SLCO6A1: variants seen among roughly 807,000 people sequenced by gnomAD.
SLCO6A1 encodes the protein solute carrier organic anion transporter family member 6A1.
Under a neutral mutation model 72.7 loss-of-function variants are expected in SLCO6A1, and 65 were observed. The ratio of observed to expected loss-of-function variants is 0.89; its 90% CI spans 0.73 to 1.10. The LOEUF is 1.10. Ranked by LOEUF, SLCO6A1 falls within the 50% of genes least tolerant of loss-of-function variation. SLCO6A1 has a pLI of 0.00. For missense variants in SLCO6A1, 874 were observed against 872.6 expected, an observed-to-expected ratio of 1.00 and a Z score of -0.02; for synonymous variants, 314 against 298.2, an observed-to-expected ratio of 1.05 and a Z score of -0.55.
chr5:102,460,340 T>G (rs1364975490), intron 4 of SLCO6A1, among the ~76,000 whole-genome samples: 3 of 152,166 alleles, frequency 2.0e-5, no homozygotes, highest in African/African-American at 7.2e-5. Flanking sequence ...GACCCTTTGC[T>G]GTCTTCTGTC....
At chr5:102,384,737 A>G (rs1026786840) in intron 12 of SLCO6A1, among the ~76,000 whole-genome samples, 1 of 152,126 alleles carries the variant, frequency 6.6e-6, no homozygotes, top group African/African-American at 2.4e-5. Flanking sequence ...TGATTTAATC[A>G]TCACTATTAT....
intron 13 of SLCO6A1, among the ~76,000 whole-genome samples, chr5:102,372,830 G>T (rs1561405195): frequency 6.6e-6 from 1 of 151,840 alleles, no homozygotes. Flanking sequence ...ACCTCTGTAT[G>T]TCAAATCATA....
At chr5:102,473,193 C>T (rs1751719898) in intron 4 of SLCO6A1, among the ~76,000 whole-genome samples, 2 of 151,836 alleles carry the variant, frequency 1.3e-5, no homozygotes, top group South Asian at 2.1e-4. Context: ...AGACTAATAT[C>T]TCTGATGAAT....
intron 9 of SLCO6A1, among the ~76,000 whole-genome samples, chr5:102,406,841 C>G (rs1322661633): frequency 6.6e-6 from 1 of 151,918 alleles, no homozygotes; most frequent in Non-Finnish European, 1.5e-5. Context: ...GGAATAGAGG[C>G]TTAGTAACTG....
intron 7 of SLCO6A1, among the ~76,000 whole-genome samples, chr5:102,425,467 A>T (rs1374637217): frequency 6.6e-6 from 1 of 152,142 alleles, no homozygotes; most frequent in Non-Finnish European, 1.5e-5. Context: ...GCATTCCTAT[A>T]CACCATTAGT....
intron 1 of SLCO6A1, among the ~76,000 whole-genome samples, chr5:102,497,458 AATATCCT>A (rs1473788764): frequency 6.6e-6 from 1 of 152,198 alleles, no homozygotes; most frequent in Non-Finnish European, 1.5e-5. Context: ...ATGACTCAAC[AATATCCT>A]CTCTGCAGCT....
intron 7 of SLCO6A1, among the ~76,000 whole-genome samples, chr5:102,432,030 A>C (rs1311732983): frequency 1.3e-5 from 2 of 151,978 alleles, no homozygotes; most frequent in Non-Finnish European, 2.9e-5. Context: ...TTAAAGTCTG[A>C]AATTAGAATT....
In SLCO6A1 at chr5:102,438,713, T is replaced by C. The variant is rs768939736; in HGVS notation, c.1180A>G (p.Thr394Ala). The C allele has an allele frequency of 1.9e-5, 30 of 1,593,774 alleles. No homozygotes were observed. Among genetic ancestry groups the C allele is most frequent in the East Asian group, 1.1e-4 (5 of 43,962 alleles). Reference sequence around the variant, plus strand: ...GCTCCAATAATAACTAAATATTCTGTAGCTTTTGACAGAGCTAGGCATATG... The same window carrying C: ...GCTCCAATAATAACTAAATATTCTGCAGCTTTTGACAGAGCTAGGCATATG... ...VLICLALSKA[T>A]EYLVIIGASE... The change falls in exon 7 of 14, where the codon ACA (threonine) becomes GCA (alanine). Residue 394 changes from threonine (T) to alanine (A), a missense_variant. Thr to Ala is a moderately conservative substitution (Grantham distance 58). Coordinates refer to ENST00000506729, the MANE Select transcript of SLCO6A1 (RefSeq NM_173488.5).
intron 11 of SLCO6A1, among the ~76,000 whole-genome samples, chr5:102,389,456 C>CCCCCCCCCCA (rs376461607): frequency 1.2e-5 from 1 of 81,852 alleles, no homozygotes; most frequent in Non-Finnish European, 2.6e-5. Flanking sequence ...CCCCCCACCC[C>CCCCCCCCCCA]CACACACACA....
At chr5:102,428,824 T>A (rs1313731346) in intron 7 of SLCO6A1, among the ~76,000 whole-genome samples, 1 of 152,216 alleles carries the variant, frequency 6.6e-6, no homozygotes, top group Admixed American at 6.5e-5. Flanking sequence ...AGTAATGAGA[T>A]TGCTGCATCA....
At chr5:102,409,374 TTGACA>T (rs533797166) in intron 9 of SLCO6A1, among the ~76,000 whole-genome samples, 14 of 152,274 alleles carry the variant, frequency 9.2e-5, no homozygotes, top group South Asian at 2.1e-4. Flanking sequence ...TTTTTCATAC[TTGACA>T]TATTTTCATT....
chr5:102,450,641 C>A (rs1750365618), intron 6 of SLCO6A1, among the ~76,000 whole-genome samples: 1 of 152,220 alleles, frequency 6.6e-6, no homozygotes, highest in African/African-American at 2.4e-5. Context: ...TTCTTCCCTC[C>A]CTGGCTTGGA....
intron 7 of SLCO6A1, among the ~76,000 whole-genome samples, chr5:102,437,015 C>A (rs917004056): frequency 5.9e-5 from 9 of 152,138 alleles, no homozygotes; most frequent in African/African-American, 2.2e-4. Flanking sequence ...TTAGAAATTT[C>A]TCTAAAATGA....
In SLCO6A1 at chr5:102,472,157, G is replaced by T. The variant is rs536499755; in HGVS notation, c.899+3540C>A. ...GGTCAGCCTCCCTGAGCAGAGGAGG[G>T]TGGAGAAGATTTTAGAAAGATGAAG... On this transcript the variant is annotated intron_variant, in intron 4 of 13. Coordinates refer to ENST00000506729, the MANE Select transcript of SLCO6A1 (RefSeq NM_173488.5). Among the ~76,000 whole-genome samples the T allele has an allele frequency of 2.6e-5, 4 of 152,210 alleles. No homozygotes were observed. In the South Asian group the frequency reaches 6.2e-4, roughly 24 times the overall value.
intron 7 of SLCO6A1, among the ~76,000 whole-genome samples, chr5:102,436,791 C>G (rs1415551659): frequency 6.6e-6 from 1 of 152,200 alleles, no homozygotes; most frequent in African/African-American, 2.4e-5. Flanking sequence ...CTAGCTTACA[C>G]TGCCATCTTG....
intron 9 of SLCO6A1, among the ~76,000 whole-genome samples, chr5:102,401,654 G>A (rs1042753301): frequency 1.3e-5 from 2 of 152,124 alleles, no homozygotes; most frequent in Non-Finnish European, 2.9e-5. Flanking sequence ...ATGGTCACCA[G>A]AAAGAAAAGG....
Position 102,451,772 on chromosome 5 carries a change from A to G in SLCO6A1, c.1131+6610T>C, listed in dbSNP as rs77693940. Among the ~76,000 whole-genome samples, 1,239 of 152,202 alleles carry G rather than the reference A, an allele frequency of 8.1e-3. 12 individuals carry two copies. Among genetic ancestry groups the G allele is most frequent in the Non-Finnish European group, 0.015 (1,009 of 68,016 alleles). ...CATGTTGCTTCCTTGATGAATCCCA[A>G]TGTGTCCTCCTGGACAGGCCAGTTG... On this transcript the variant is annotated intron_variant, in intron 6 of 13. Transcript: ENST00000506729.
At chr5:102,429,293 A>C (rs900612152) in intron 7 of SLCO6A1, among the ~76,000 whole-genome samples, 5 of 152,164 alleles carry the variant, frequency 3.3e-5, no homozygotes, top group African/African-American at 9.7e-5. Flanking sequence ...GCTGTGCAGA[A>C]GCTCTTAAGT....
chr5:102,375,667 AG>A (rs1265956701), intron 12 of SLCO6A1, among the ~76,000 whole-genome samples: 1 of 152,166 alleles, frequency 6.6e-6, no homozygotes, highest in Admixed American at 6.6e-5. Flanking sequence ...CTACCAGAAA[AG>A]GCCGACAGGG....
Sources: allele counts gnomAD v4.1 joint callset (sites outside exome capture counted in the v4.1 genomes callset), GRCh38; gene constraint gnomAD v4.1.1; transcripts MANE v1.5; gene names NCBI Gene and HGNC (gene_info 2026-07-23, HGNC 2026-07-21).